UBE3A: variants seen among roughly 807,000 people sequenced by gnomAD.
UBE3A encodes the protein ubiquitin-protein ligase E3A.
A neutral mutation model predicts 83.4 loss-of-function variants in UBE3A; 6 were observed. The ratio of observed to expected loss-of-function variants is 0.07; its 90% confidence interval spans 0.04 to 0.14. The LOEUF (loss-of-function observed/expected upper bound fraction) is 0.14, where lower values mean the gene tolerates loss of function less well. UBE3A is among the 10% of genes least tolerant of loss of function. UBE3A has a pLI of 1.00. For synonymous variants in UBE3A, 337 were observed against 355.4 expected (o/e 0.95, Z 0.58); for missense variants, 456 against 1,036.1 (o/e 0.44, Z 7.69).
chr15:25,429,102 T>C (rs1342204097), intron 1 of UBE3A, among the ~76,000 whole-genome samples: 1 of 152,174 alleles, frequency 6.6e-6, no homozygotes, highest in Non-Finnish European at 1.5e-5. Context: ...AATCAAGCTA[T>C]TGAAAGACAG....
At chr15:25,398,816 A>AAAT (rs2086374698) in intron 4 of UBE3A, among the ~76,000 whole-genome samples, 1 of 40,828 alleles carries the variant, frequency 2.4e-5, no homozygotes, top group Non-Finnish European at 5.3e-5. Flanking sequence ...TATATATATA[A>AAAT]AAATACATAT....
chr15:25,426,409 G>T (rs146435869), intron 1 of UBE3A, among the ~76,000 whole-genome samples: 3 of 152,044 alleles, frequency 2.0e-5, no homozygotes, highest in African/African-American at 7.2e-5. Context: ...CTTCCATAGC[G>T]CCTAGCCTAA....
rs1207985872 is a variant in UBE3A, at chr15:25,398,790, T to TAC, written c.62+6670_62+6671insGT. 4.5e-5 allele frequency among the ~76,000 whole-genome samples: 3 copies of TAC among 66,014 alleles called. 1 individual carries two copies. The highest frequency in any genetic ancestry group is 1.6e-4 in the African/African-American group (3 of 18,700). The allele number at this position is 66,014 out of a possible 152,430, so 43.3% of individuals were successfully genotyped here. Reference sequence around the variant, plus strand: ...TTTTATTTATATATATATATATATATATATATATATATATATATATATATA... The same window carrying TAC: ...TTTTATTTATATATATATATATATATACATATATATATATATATATATATATA... On this transcript the variant is annotated intron_variant, in intron 4 of 12. Coordinates refer to ENST00000648336, the MANE Select transcript of UBE3A (RefSeq NM_130839.5).
chr15:25,367,529 A>C (rs1199095059), intron 6 of UBE3A, among the ~76,000 whole-genome samples: 1 of 152,004 alleles, frequency 6.6e-6, no homozygotes, highest in African/African-American at 2.4e-5. Context: ...GGTGTTCTTA[A>C]GCAGTTCTAA....
intron 9 of UBE3A, 97 bp from the exon 10 acceptor site, chr15:25,354,780 AAAAC>A: frequency 8.6e-7 from 1 of 1,157,624 alleles, no homozygotes; most frequent in African/African-American, 1.6e-5. Flanking sequence ...TTCCAAGAAA[AAAAC>A]ATTCAAGAAT....
intron 12 of UBE3A, chr15:25,339,550 A>G: frequency 3.3e-6 from 1 of 298,724 alleles, no homozygotes; most frequent in Non-Finnish European, 6.3e-6. Context: ...ATCTTTCCAC[A>G]ACAAAACCAC....
At position 25,371,592 on chromosome 15, in the gene UBE3A, T is replaced by C. The variant is rs764101035; in HGVS notation, c.582A>G (p.Ala194=). 6.8e-6 allele frequency: 11 copies of C among 1,614,046 alleles called. No homozygotes were observed. The Admixed American group carries it at 1.7e-4, about 24-fold the overall frequency. ...DKDEDEKEKA[A]CSAAAMEEDS... ...CTTCTTCCATAGCAGCAGCAGAACA[T>C]GCAGCTTTTTCCTTTTCATCTTCAT... The change falls in exon 6 of 13, where the codon GCA becomes GCG. Residue 194 remains alanine (A), a synonymous_variant. Transcript: ENST00000648336. This position sits in a 1 kb window ranked among gnomAD's most constrained non-coding sequence, Gnocchi z 5.3.
intron 2 of UBE3A, among the ~76,000 whole-genome samples, chr15:25,411,360 C>T (rs11631038): frequency 0.62 from 93,791 of 152,174 alleles, 32,632 homozygotes; most frequent in Non-Finnish European, 0.78. Context: ...GAGGCCAAGG[C>T]GGGTGGATCA....
intron 6 of UBE3A, among the ~76,000 whole-genome samples, chr15:25,366,227 T>C (rs959952392): frequency 1.3e-5 from 2 of 152,224 alleles, no homozygotes; most frequent in Non-Finnish European, 2.9e-5. Flanking sequence ...CAATGGAAAT[T>C]ACATGTTAAC....
chr15:25,434,869 C>T (rs969248381), intron 1 of UBE3A, among the ~76,000 whole-genome samples: 17 of 152,084 alleles, frequency 1.1e-4, no homozygotes, highest in African/African-American at 3.6e-4. Flanking sequence ...CAGGTAGCAT[C>T]TATCCATGTA....
intron 1 of UBE3A, chr15:25,418,650 G>C (rs545215152): frequency 6.6e-6 from 1 of 152,274 alleles, no homozygotes; most frequent in Non-Finnish European, 1.5e-5. Flanking sequence ...TACCCTGATA[G>C]AACTTTCTGG....
chr15:25,431,182 T>TAAC (rs1263928538), intron 1 of UBE3A, among the ~76,000 whole-genome samples: 1 of 152,216 alleles, frequency 6.6e-6, no homozygotes, highest in East Asian at 1.9e-4. Context: ...TTTATCCACG[T>TAAC]AACTTCCTAT....
chr15:25,402,414 C>G (rs2087370956), intron 4 of UBE3A, among the ~76,000 whole-genome samples: 1 of 152,206 alleles, frequency 6.6e-6, no homozygotes, highest in Non-Finnish European at 1.5e-5. Flanking sequence ...TCACAAGGGG[C>G]TGGCCAAGTA....
chr15:25,398,789 A>G (rs908826526), intron 4 of UBE3A, among the ~76,000 whole-genome samples: 3 of 60,484 alleles, frequency 5.0e-5, no homozygotes, highest in African/African-American at 1.8e-4. Context: ...ATATATATAT[A>G]TATATATATA....
chr15:25,357,872 T>C (rs1462455488), intron 7 of UBE3A, among the ~76,000 whole-genome samples: 2 of 151,216 alleles, frequency 1.3e-5, no homozygotes, highest in Admixed American at 1.3e-4. Context: ...TTTCACATGG[T>C]CTTCACTATG....
rs1490784858 is a variant in UBE3A, at chr15:25,360,537, G to A, written c.1609-10C>T. 5.0e-6 allele frequency: 8 copies of A among 1,612,064 alleles called. No individual in the cohort carries two copies. Among genetic ancestry groups the A allele is most frequent in the Middle Eastern group, 1.6e-4 (1 of 6,080 alleles). ...TAGCGATCATCTCTAGCTAGTGATT[G>A]AAAAGATAAACATGAAAAGAAGATG... is the stretch of plus-strand genomic sequence containing the variant. On this transcript the variant is annotated splice_polypyrimidine_tract_variant and intron_variant, in intron 6 of 12. Coordinates refer to ENST00000648336, the MANE Select transcript of UBE3A (RefSeq NM_130839.5).
At chr15:25,382,396 T>TA (rs111917526) in intron 4 of UBE3A, among the ~76,000 whole-genome samples, 22,177 of 147,242 alleles carry the variant, frequency 0.15, 2,134 homozygotes, top group East Asian at 0.43. Context: ...TGATATATGA[T>TA]AAAAAAAAAA....
At chr15:25,427,501 T>C (rs999088873) in intron 1 of UBE3A, among the ~76,000 whole-genome samples, 5 of 150,878 alleles carry the variant, frequency 3.3e-5, no homozygotes, top group African/African-American at 4.9e-5. Flanking sequence ...AGCACTCTTC[T>C]ATTTCAAAAT....
chr15:25,432,433 T>C (rs1214306928), intron 1 of UBE3A, among the ~76,000 whole-genome samples: 1 of 152,204 alleles, frequency 6.6e-6, no homozygotes, highest in African/African-American at 2.4e-5. Context: ...GAAAAGAACC[T>C]GTGTAGAAGT....
Sources: allele counts gnomAD v4.1 joint callset (sites outside exome capture counted in the v4.1 genomes callset), GRCh38; gene constraint gnomAD v4.1.1; non-coding constraint Gnocchi (gnomAD v3.1); transcripts MANE v1.5; gene names NCBI Gene and HGNC (gene_info 2026-07-23, HGNC 2026-07-21).